Variants in WWOX observed in about 807,000 individuals in gnomAD.
WWOX encodes the protein WW domain-containing oxidoreductase.
WWOX carries 69 observed loss-of-function variants against 46.2 expected under a neutral mutation model. The observed-to-expected ratio is 1.49, with a 90% CI of 1.23 to 1.82. The LOEUF is 1.82. Ranked by LOEUF, WWOX falls within the 40% of genes most tolerant of loss-of-function variation. The pLI, the probability that WWOX is intolerant of heterozygous loss-of-function variation, is 0.00. For missense variants in WWOX, 919 were observed against 542.6 expected (o/e 1.69, Z -6.89); for synonymous variants, 359 against 202.6 (o/e 1.77, Z -6.56).
At chr16:78,600,575 C>CTAT (rs892827422) in intron 8 of WWOX, among the ~76,000 whole-genome samples, 3 of 152,158 alleles carry the variant, frequency 2.0e-5, no homozygotes, top group African/African-American at 7.2e-5. Context: ...TTTTGTGGGG[C>CTAT]TATAGTCCAG....
intron 8 of WWOX, among the ~76,000 whole-genome samples, chr16:78,690,164 A>G (rs1171125697): frequency 1.3e-5 from 2 of 152,232 alleles, no homozygotes; most frequent in East Asian, 1.9e-4. Context: ...CCCGGCCAGG[A>G]TAACTTTTTA....
chr16:78,661,112 A>T (rs2047200398), intron 8 of WWOX, among the ~76,000 whole-genome samples: 1 of 152,184 alleles, frequency 6.6e-6, no homozygotes, highest in South Asian at 2.1e-4. Flanking sequence ...GAAGTGGTGG[A>T]ACAAAGGCAC....
chr16:78,337,170 A>T (rs921220112), intron 5 of WWOX, among the ~76,000 whole-genome samples: 22 of 152,216 alleles, frequency 1.4e-4, no homozygotes, highest in African/African-American at 5.3e-4. Flanking sequence ...GTAGGTAGCC[A>T]GTTTATAACC....
chr16:78,594,082 G>A (rs62034037), intron 8 of WWOX, among the ~76,000 whole-genome samples: 4,779 of 152,204 alleles, frequency 0.031, 92 homozygotes, highest in Non-Finnish European at 0.043. Context: ...AAAGTCTGCG[G>A]CAAGAGGATG....
intron 8 of WWOX, among the ~76,000 whole-genome samples, chr16:78,886,740 A>G (rs2093568749): frequency 6.6e-6 from 1 of 151,900 alleles, no homozygotes; most frequent in African/African-American, 2.4e-5. Context: ...AAGAAACTGC[A>G]GAGGCAGCTA....
intron 5 of WWOX, among the ~76,000 whole-genome samples, chr16:78,373,958 T>G (rs1485288516): frequency 6.6e-6 from 1 of 152,158 alleles, no homozygotes; most frequent in Non-Finnish European, 1.5e-5. Flanking sequence ...GGCCAATTTT[T>G]GTATTTTTAG....
At chr16:78,670,068 T>C (rs1409018382) in intron 8 of WWOX, among the ~76,000 whole-genome samples, 2 of 152,184 alleles carry the variant, frequency 1.3e-5, no homozygotes, top group East Asian at 3.9e-4. Context: ...CCAAGAATTT[T>C]AAATTCCTGT....
At chr16:78,968,325 G>C (rs1406146967) in intron 8 of WWOX, among the ~76,000 whole-genome samples, 2 of 152,166 alleles carry the variant, frequency 1.3e-5, no homozygotes, top group Admixed American at 6.5e-5. Context: ...TGTCACCACC[G>C]ACCCGAGGCA....
intron 5 of WWOX, among the ~76,000 whole-genome samples, chr16:78,215,559 G>A (rs969229932): frequency 2.6e-5 from 4 of 152,196 alleles, no homozygotes; most frequent in Admixed American, 1.3e-4. Flanking sequence ...TAGCCATGCG[G>A]AACTGTGAGT....
At chr16:78,248,110 T>C (rs1414197513) in intron 5 of WWOX, among the ~76,000 whole-genome samples, 1 of 152,208 alleles carries the variant, frequency 6.6e-6, no homozygotes, top group Non-Finnish European at 1.5e-5. Context: ...AAGAAATACC[T>C]GAGACTGGGT....
chr16:78,935,588 A>C (rs1276192617), intron 8 of WWOX, among the ~76,000 whole-genome samples: 3 of 140,536 alleles, frequency 2.1e-5, no homozygotes, highest in African/African-American at 7.9e-5. Flanking sequence ...GGGGAACATC[A>C]CACACCGGGG....
intron 8 of WWOX, chr16:79,204,527 T>TA (rs768519918): frequency 2.0e-5 from 3 of 152,170 alleles, no homozygotes; most frequent in Non-Finnish European, 2.9e-5. Context: ...AGGCTAGACA[T>TA]AAATCTATCA....
chr16:79,077,680 C>G (rs537572298), intron 8 of WWOX, among the ~76,000 whole-genome samples: 3 of 149,520 alleles, frequency 2.0e-5, no homozygotes, highest in South Asian at 2.1e-4. Context: ...TTACATCTCT[C>G]GTAGCATCTA....
chr16:78,845,696 G>T (rs1049620648), intron 8 of WWOX, among the ~76,000 whole-genome samples: 1 of 152,176 alleles, frequency 6.6e-6, no homozygotes, highest in East Asian at 1.9e-4. Flanking sequence ...AATATTTCCG[G>T]AAGAATGGCC....
chr16:78,440,189 A>G (rs1007188779), intron 8 of WWOX, among the ~76,000 whole-genome samples: 8 of 152,204 alleles, frequency 5.3e-5, no homozygotes, highest in African/African-American at 1.9e-4. Flanking sequence ...TCATTAATCA[A>G]ATGGAAATGC....
At chr16:78,105,840 C>T (rs78198158) in intron 1 of WWOX, among the ~76,000 whole-genome samples, 5 of 152,032 alleles carry the variant, frequency 3.3e-5, no homozygotes, top group East Asian at 3.9e-4. Context: ...CTTGCTTTTT[C>T]GCCCAGGCTG....
intron 8 of WWOX, among the ~76,000 whole-genome samples, chr16:78,663,035 A>G (rs1478244750): frequency 6.6e-6 from 1 of 152,160 alleles, no homozygotes; most frequent in Non-Finnish European, 1.5e-5. Flanking sequence ...GTCTCCCTTT[A>G]AAGTGGACAA....
intron 8 of WWOX, among the ~76,000 whole-genome samples, chr16:79,189,810 A>G (rs938256564): frequency 6.8e-6 from 1 of 148,026 alleles, no homozygotes; most frequent in Non-Finnish European, 1.5e-5. Flanking sequence ...GGGGGGGGAT[A>G]TTTATTTGGC....
intron 5 of WWOX, among the ~76,000 whole-genome samples, chr16:78,165,581 G>A (rs1467174638): frequency 1.3e-5 from 2 of 152,086 alleles, no homozygotes; most frequent in Non-Finnish European, 2.9e-5. Flanking sequence ...CTGGGAGGAG[G>A]GGGAGGAGGA....
Sources: allele counts gnomAD v4.1 joint callset (sites outside exome capture counted in the v4.1 genomes callset), GRCh38; gene constraint gnomAD v4.1.1; transcripts MANE v1.5; gene names NCBI Gene and HGNC (gene_info 2026-07-23, HGNC 2026-07-21).